Variants in ZNF655 observed in about 807,000 individuals in gnomAD.
ZNF655 encodes the protein zinc finger protein 655, also known as Vav-interacting Kruppel-like protein 1.
A neutral mutation model predicts 6.6 loss-of-function variants in ZNF655; 3 were observed. The ratio of observed to expected loss-of-function variants is 0.46; its 90% CI spans 0.21 to 1.18. ZNF655 has a LOEUF of 1.18. Among genes scored for constraint, ZNF655 ranks in the 50% most tolerant of loss-of-function variants. ZNF655 has a pLI of 0.24. For synonymous variants in ZNF655, 178 were observed against 195.0 expected (o/e 0.91, Z 0.73); for missense variants, 526 against 572.3 (o/e 0.92, Z 0.83).
Position 99,574,222 on chromosome 7 carries a change from A to G in ZNF655, c.*638A>G, listed in dbSNP as rs1202031458. The G allele has an allele frequency of 1.3e-5, 2 of 152,230 alleles. No homozygotes were observed. The highest frequency in any genetic ancestry group is 2.9e-5 in the Non-Finnish European group (2 of 68,042). The allele number at this position is 152,230 out of a possible 1,614,324, so 9.4% of individuals were successfully genotyped here. Reference sequence around the variant, plus strand: ...CACCACATTTCAGGCTTTACCCAACATCGAAATAATGGAGAGAAAATTGTT... The same window carrying G: ...CACCACATTTCAGGCTTTACCCAACGTCGAAATAATGGAGAGAAAATTGTT... On this transcript the variant is annotated 3_prime_UTR_variant, in exon 3 of 3. Transcript: ENST00000252713.
chr7:99,562,458 G>C (rs759204342), intron 2 of ZNF655: 12 of 1,613,966 alleles, frequency 7.4e-6, no homozygotes, highest in East Asian at 2.2e-5. Context: ...CTACAGAGAA[G>C]TGATGTTAGA....
At chr7:99,569,267 TTTTA>T (rs1803861853) in intron 2 of ZNF655, among the ~76,000 whole-genome samples, 1 of 152,228 alleles carries the variant, frequency 6.6e-6, no homozygotes, top group South Asian at 2.1e-4. Flanking sequence ...AATACATTAA[TTTTA>T]AACAGGAAAA....
In ZNF655 at chr7:99,573,785, C is replaced by T. The variant is rs554697040; in HGVS notation, c.*201C>T. ...GAAGAAAAGGTATTAGTGTTAAACTCTTAATCGACTCCTGCAAATCTATAC... is the reference window on the plus strand; with the variant it reads ...GAAGAAAAGGTATTAGTGTTAAACTTTTAATCGACTCCTGCAAATCTATAC... On this transcript the variant is annotated 3_prime_UTR_variant, in exon 3 of 3. Coordinates refer to ENST00000252713, the MANE Select transcript of ZNF655 (RefSeq NM_138494.3). 8.4e-6 allele frequency: 5 copies of T among 595,004 alleles called. No homozygotes were observed. In the Admixed American group the frequency reaches 1.4e-4, roughly 17 times the overall value. The allele number at this position is 595,004 out of a possible 1,614,324, so 36.9% of individuals were successfully genotyped here.
At position 99,572,576 on chromosome 7, in the gene ZNF655, C is replaced by T. The variant is rs143554866; in HGVS notation, c.468C>T (p.Thr156=). The T allele has an allele frequency of 4.0e-3, 6,383 of 1,613,752 alleles. 16 individuals carry two copies. Among genetic ancestry groups the T allele is most frequent in the Non-Finnish European group, 5.0e-3 (5,956 of 1,179,928 alleles). ...ADQRVLRIQN[T]DDNDKYDMSF... The stretch of plus-strand genomic sequence containing the variant: ...AGAGAGTTCTTAGAATACAGAATAC[C>T]GATGACAATGATAAGTATGACATGA... The change falls in exon 3 of 3, where the codon ACC becomes ACT. Residue 156 remains threonine, a synonymous_variant. Coordinates refer to ENST00000252713, the MANE Select transcript of ZNF655 (RefSeq NM_138494.3).
intron 2 of ZNF655, chr7:99,562,014 C>A: frequency 6.7e-7 from 1 of 1,488,462 alleles, no homozygotes; most frequent in East Asian, 2.5e-5. Context: ...GGGACTATTG[C>A]TACTGATGGA....
rs527937176 is a variant in ZNF655 at position 99,571,665 on chromosome 7, C to A, written c.137-580C>A. 4 of 1,566,984 alleles carry A rather than the reference C, an allele frequency of 2.6e-6. No homozygotes were observed. In the East Asian group the frequency reaches 9.1e-5, roughly 35 times the overall value. Reference sequence around the variant, plus strand: ...AGGACCTGGGGATACATTGCCACATCCCATTTCCTTCTCTATGAGCAGGAT... The same window carrying A: ...AGGACCTGGGGATACATTGCCACATACCATTTCCTTCTCTATGAGCAGGAT... On this transcript the variant is annotated intron_variant, in intron 2 of 2. Transcript: ENST00000252713.
At chr7:99,567,049 AG>A (rs946859105) in intron 2 of ZNF655, among the ~76,000 whole-genome samples, 20 of 152,224 alleles carry the variant, frequency 1.3e-4, no homozygotes, top group African/African-American at 4.8e-4. Flanking sequence ...CCTCCAGAGT[AG>A]CTGGGACTAC....
chr7:99,567,387 G>A (rs1490756662), intron 2 of ZNF655, among the ~76,000 whole-genome samples: 2 of 151,634 alleles, frequency 1.3e-5, no homozygotes, highest in African/African-American at 4.8e-5. Flanking sequence ...TACAAAATTA[G>A]CCGGGCATGG....
chr7:99,564,495 A>G (rs748537961), intron 2 of ZNF655: 431 of 987,398 alleles, frequency 4.4e-4, no homozygotes, highest in Non-Finnish European at 4.8e-4. Flanking sequence ...GTGGTTCTGT[A>G]CAGATTGATG....
intron 2 of ZNF655, chr7:99,564,800 CTT>C (rs1237960794): frequency 4.8e-5 from 35 of 732,010 alleles, no homozygotes; most frequent in Non-Finnish European, 1.5e-5. Flanking sequence ...CATTTCCTCT[CTT>C]ATCTCTGCAC....
chr7:99,560,646 A>G lies in ZNF655; in HGVS notation c.87A>G (p.Pro29=). 2 of 1,614,156 alleles carry G rather than the reference A, an allele frequency of 1.2e-6. No individual in the cohort carries two copies. Among genetic ancestry groups the G allele is most frequent in the Non-Finnish European group, 1.7e-6 (2 of 1,180,020 alleles). ...AGACCCAGTCTGAGTGTCTGTCCCC[A>G]GAGCCTCAGTTTGTGCAGGACACCG... The part of the protein sequence containing the change: ...SLETQSECLS[P]EPQFVQDTDM... The change falls in exon 2 of 3, where the codon CCA becomes CCG. Residue 29 remains proline, a synonymous_variant. Coordinates refer to ENST00000252713, the MANE Select transcript of ZNF655 (RefSeq NM_138494.3).
chr7:99,559,813 G>C (rs1802955135), intron 1 of ZNF655, among the ~76,000 whole-genome samples: 1 of 144,758 alleles, frequency 6.9e-6, no homozygotes, highest in Non-Finnish European at 1.5e-5. Flanking sequence ...TTTTTTGTAG[G>C]GACGGGGTTT....
chr7:99,568,261 ATT>A lies in ZNF655; in HGVS notation c.137-3968_137-3967del, dbSNP rs548893044. ...TTTGGACTATTGTCTAGGGATTTGG[ATT>A]TTTTTTTTTTTTTTTGAAATGGAGT... is the stretch of plus-strand genomic sequence containing the variant. On this transcript the variant is annotated intron_variant, in intron 2 of 2. Coordinates refer to ENST00000252713, the MANE Select transcript of ZNF655 (RefSeq NM_138494.3). Among the ~76,000 whole-genome samples the A allele has an allele frequency of 7.2e-4, 96 of 132,638 alleles. No individual in the cohort carries two copies. The East Asian group carries it at 0.016, about 23-fold the overall frequency. 87.0% of individuals were successfully genotyped at this position (132,638 alleles called of 152,430 possible). A position where few individuals can be genotyped will look rare whatever the true frequency, so the allele number is the denominator to read the frequency against.
rs1023991127 is a variant in ZNF655 at position 99,564,364 on chromosome 7, G to C, written c.136+3669G>C. 5.5e-5 allele frequency: 61 copies of C among 1,105,698 alleles called. 1 individual carries two copies. Among genetic ancestry groups the C allele is most frequent in the Admixed American group, 3.1e-4 (6 of 19,228 alleles). 68.5% of individuals were successfully genotyped at this position (1,105,698 alleles called of 1,614,324 possible). A position where few individuals can be genotyped will look rare whatever the true frequency, so the allele number is the denominator to read the frequency against. On this transcript the variant is annotated intron_variant, in intron 2 of 2. Coordinates refer to ENST00000252713, the MANE Select transcript of ZNF655 (RefSeq NM_138494.3). ...TTATGTGGCGAACACAACCTGCCCC[G>C]TATGGTGCCTAACTCTCCTGTGAAC...
At position 99,573,508 on chromosome 7, in the gene ZNF655, A is replaced by T; in HGVS notation, c.1400A>T (p.Asp467Val). The T allele has an allele frequency of 6.2e-7, 1 of 1,612,218 alleles. No individual in the cohort carries two copies. Among genetic ancestry groups the T allele is most frequent in the South Asian group, 1.1e-5 (1 of 91,088 alleles). Residue 467 changes from aspartate to valine, a missense_variant, in exon 3 of 3, where the codon GAT becomes GTT. Coordinates refer to ENST00000252713, the MANE Select transcript of ZNF655 (RefSeq NM_138494.3). ...ACCAGACAGAAAGCCTTTGATTGTGATGTATGGGAAAAGAACTCCAGTCAG... is the reference window on the plus strand; with the variant it reads ...ACCAGACAGAAAGCCTTTGATTGTGTTGTATGGGAAAAGAACTCCAGTCAG... ...VLTRQKAFDC[D>V]VWEKNSSQRA...
intron 2 of ZNF655, 106 bp downstream of exon 2, chr7:99,560,801 A>C: frequency 3.5e-6 from 5 of 1,434,106 alleles, no homozygotes; most frequent in Non-Finnish European, 4.8e-6. Flanking sequence ...GAATAAGAAC[A>C]TGGTCCCTAG....
In ZNF655 at chr7:99,573,129, C is replaced by T. The variant is rs1271544001; in HGVS notation, c.1021C>T (p.His341Tyr). The part of the protein sequence containing the change: ...KCTVCGSDFC[H>Y]TSYLLEHQRV... ...TACTGTATGTGGCAGTGACTTCTGC[C>T]ATACTTCATACCTACTTGAACATCA... Residue 341 changes from histidine to tyrosine, a missense_variant, in exon 3 of 3, where the codon CAT becomes TAT. By Grantham distance (83) the His-to-Tyr change is moderately conservative. Transcript: ENST00000252713. 5.6e-6 allele frequency: 9 copies of T among 1,613,982 alleles called. No homozygotes were observed. The African/African-American group carries it at 9.3e-5, about 17-fold the overall frequency.
intron 2 of ZNF655, chr7:99,562,181 T>C (rs1195975428): frequency 1.2e-6 from 1 of 814,934 alleles, no homozygotes; most frequent in African/African-American, 1.8e-5. Context: ...TTTCTCTTTG[T>C]CCATGGTTGT....
intron 1 of ZNF655, 26 bp from the exon 2 acceptor site, chr7:99,560,507 T>C: frequency 6.3e-7 from 1 of 1,585,126 alleles, no homozygotes; most frequent in Non-Finnish European, 8.6e-7. Flanking sequence ...CTTATTACAG[T>C]AATTTCTCTT....
Sources: allele counts gnomAD v4.1 joint callset (sites outside exome capture counted in the v4.1 genomes callset), GRCh38; gene constraint gnomAD v4.1.1; transcripts MANE v1.5; gene names NCBI Gene and HGNC (gene_info 2026-07-23, HGNC 2026-07-21).